ANXA10: variants seen among roughly 807,000 people sequenced by gnomAD.
ANXA10 encodes annexin 14.
A neutral mutation model predicts 53.5 loss-of-function variants in ANXA10; 49 were observed. That is an observed-to-expected ratio of 0.92 (90% CI 0.73 to 1.16). The LOEUF is 1.16. Ranked by LOEUF, ANXA10 falls within the 50% of genes most tolerant of loss-of-function variation. ANXA10 has a pLI of 0.00. For missense variants in ANXA10, 393 were observed against 394.4 expected (o/e 1.00, Z 0.03); for synonymous variants, 131 against 128.9 (o/e 1.02, Z -0.11).
intron 3 of ANXA10, among the ~76,000 whole-genome samples, chr4:168,155,205 C>A (rs201561065): frequency 1.3e-5 from 2 of 149,950 alleles, no homozygotes; most frequent in African/African-American, 2.5e-5. Context: ...ACGCTTTCCA[C>A]GAACCTTCAT....
chr4:168,129,528 C>T (rs1403859212), intron 2 of ANXA10, among the ~76,000 whole-genome samples: 7 of 152,052 alleles, frequency 4.6e-5, no homozygotes, highest in African/African-American at 4.8e-5. Flanking sequence ...GGCTGAAGTA[C>T]GTCAGGAGGT....
chr4:168,155,428 TA>T (rs563299015), intron 3 of ANXA10, among the ~76,000 whole-genome samples: 1,343 of 84,020 alleles, frequency 0.016, 219 homozygotes, highest in African/African-American at 0.065. Context: ...ATATTATATA[TA>T]ATTATATATA....
chr4:168,181,410 AGAT>A (rs1732242600), intron 9 of ANXA10, among the ~76,000 whole-genome samples: 1 of 150,932 alleles, frequency 6.6e-6, no homozygotes. Flanking sequence ...AAAAAAAAGA[AGAT>A]GATAAAGTTT....
intron 1 of ANXA10, among the ~76,000 whole-genome samples, chr4:168,116,411 T>C (rs1730894761): frequency 6.6e-6 from 1 of 152,168 alleles, no homozygotes; most frequent in African/African-American, 2.4e-5. Context: ...AAATTATATG[T>C]GCAGTATTCC....
At chr4:168,127,647 T>C (rs1209120087) in intron 1 of ANXA10, 2 of 279,164 alleles carry the variant, frequency 7.2e-6, no homozygotes, top group Non-Finnish European at 1.4e-5. Flanking sequence ...AAATAATAGA[T>C]GCAAACACAG....
intron 6 of ANXA10, among the ~76,000 whole-genome samples, chr4:168,168,502 C>T (rs767651341): frequency 6.6e-6 from 1 of 152,112 alleles, no homozygotes; most frequent in East Asian, 1.9e-4. Flanking sequence ...TCACTGCAAC[C>T]TCTGCCTCCC....
At chr4:168,143,044 T>A (rs540790391) in intron 3 of ANXA10, among the ~76,000 whole-genome samples, 1 of 152,312 alleles carries the variant, frequency 6.6e-6, no homozygotes, top group East Asian at 1.9e-4. Flanking sequence ...ATTTACTTTT[T>A]TTTAAAGAAA....
intron 3 of ANXA10, among the ~76,000 whole-genome samples, chr4:168,153,454 C>CA (rs1560782337): frequency 2.1e-4 from 7 of 33,798 alleles, no homozygotes; most frequent in African/African-American, 5.2e-4. Flanking sequence ...AAAACAAAAA[C>CA]AAAACAAAAA....
At chr4:168,154,008 A>G (rs531797195) in intron 3 of ANXA10, among the ~76,000 whole-genome samples, 14 of 150,914 alleles carry the variant, frequency 9.3e-5, no homozygotes, top group African/African-American at 3.2e-4. Flanking sequence ...ACACACGCAC[A>G]CACGCGCGCG....
intron 1 of ANXA10, among the ~76,000 whole-genome samples, chr4:168,094,438 T>C (rs191365530): frequency 6.6e-5 from 10 of 152,298 alleles, no homozygotes; most frequent in Non-Finnish European, 1.3e-4. Context: ...TCTTAAGGTA[T>C]ATGACCCCAG....
chr4:168,122,532 T>C lies in ANXA10; in HGVS notation c.19-5552T>C, dbSNP rs543456967. Among the ~76,000 whole-genome samples, 8 of 152,312 alleles carry C rather than the reference T, an allele frequency of 5.3e-5. No individual in the cohort carries two copies. In the South Asian group the frequency reaches 1.7e-3, roughly 32 times the overall value. On this transcript the variant is annotated intron_variant, in intron 1 of 11. Coordinates refer to ENST00000359299, the MANE Select transcript of ANXA10 (RefSeq NM_007193.5). ...TCTTACATTGCTTTAAAGAAATACC[T>C]GAGACTGAGTAATTTATAAGGAAAA...
intron 3 of ANXA10, among the ~76,000 whole-genome samples, chr4:168,150,326 T>C (rs966615010): frequency 1.1e-4 from 16 of 152,156 alleles, no homozygotes; most frequent in African/African-American, 3.4e-4. Flanking sequence ...ACTGCGAAAA[T>C]ATCTGTAAAA....
Position 168,184,670 on chromosome 4 carries a change from C to T in ANXA10, c.895C>T (p.His299Tyr), listed in dbSNP as rs779878202. 1.2e-6 allele frequency: 2 copies of T among 1,613,914 alleles called. No homozygotes were observed. Among genetic ancestry groups the T allele is most frequent in the Admixed American group, 3.3e-5 (2 of 60,000 alleles). The stretch of plus-strand genomic sequence containing the variant: ...AGAGCGATATGGAAAATCCCTATTT[C>T]ATGATATCAGAGTAAGTTTCCGACA... ...YKERYGKSLFHDIRNFASGHY... is the reference protein window; with the variant it reads ...YKERYGKSLFYDIRNFASGHY... The change falls in exon 11 of 12, where the codon CAT (histidine) becomes TAT (tyrosine). Residue 299 changes from histidine to tyrosine, a missense_variant. Coordinates refer to ENST00000359299, the MANE Select transcript of ANXA10 (RefSeq NM_007193.5).
Position 168,092,713 on chromosome 4 carries a change from G to C in ANXA10, c.13G>C (p.Asp5His), listed in dbSNP as rs554245105. The change falls in exon 1 of 12, where the codon GAC becomes CAC. Residue 5 changes from aspartate to histidine, a missense_variant. Transcript: ENST00000359299. MFCG[D>H]YVQGTIFPAP... ...AATTACCATCAAAATGTTTTGTGGA[G>C]ACTATGTGAGTATAATGCTTATTTC... 6.3e-7 allele frequency: 1 copy of C among 1,588,636 alleles called. No individual in the cohort carries two copies. Among genetic ancestry groups the C allele is most frequent in the Admixed American group, 1.8e-5 (1 of 55,442 alleles).
At chr4:168,156,325 AAT>A (rs1560784722) in intron 3 of ANXA10, among the ~76,000 whole-genome samples, 5 of 18,336 alleles carry the variant, frequency 2.7e-4, no homozygotes, top group Non-Finnish European at 5.3e-4. Context: ...TATAATATAT[AAT>A]ATATTATATA....
chr4:168,101,563 C>G (rs987843761), intron 1 of ANXA10, among the ~76,000 whole-genome samples: 1 of 151,842 alleles, frequency 6.6e-6, no homozygotes, highest in Non-Finnish European at 1.5e-5. Context: ...TTAATCTAAT[C>G]TTGTATTTTT....
At chr4:168,096,939 T>A (rs1330608339) in intron 1 of ANXA10, among the ~76,000 whole-genome samples, 1 of 149,040 alleles carries the variant, frequency 6.7e-6, no homozygotes, top group Non-Finnish European at 1.5e-5. Flanking sequence ...TGTATGTATA[T>A]GTATATACAA....
At chr4:168,157,356 C>T (rs1022705959) in intron 3 of ANXA10, among the ~76,000 whole-genome samples, 1 of 152,046 alleles carries the variant, frequency 6.6e-6, no homozygotes, top group African/African-American at 2.4e-5. Flanking sequence ...CAACCTCCGC[C>T]ACCCAGGTTC....
At chr4:168,129,492 A>G (rs1578905486) in intron 2 of ANXA10, among the ~76,000 whole-genome samples, 2 of 152,104 alleles carry the variant, frequency 1.3e-5, no homozygotes, top group African/African-American at 4.8e-5. Context: ...TTTGACCATC[A>G]TAATTTGTTG....
Sources: gnomAD v4.1 joint callset for allele counts (sites outside exome capture counted in the v4.1 genomes callset) on GRCh38, gnomAD v4.1.1 for gene constraint, MANE v1.5 for transcripts, NCBI Gene and HGNC (gene_info 2026-07-23, HGNC 2026-07-21) for gene names.